Variants in CELF2 observed in about 807,000 individuals in gnomAD.
CELF2 encodes the protein CUG triplet repeat RNA-binding protein 2.
In CELF2, 8 loss-of-function variants were observed where a neutral mutation model predicts 62.6. The ratio of observed to expected loss-of-function variants is 0.13; its 90% CI spans 0.07 to 0.23. The LOEUF (loss-of-function observed/expected upper bound fraction) is 0.23, where lower values mean the gene tolerates loss of function less well. Ranked by LOEUF, CELF2 falls within the 10% of genes least tolerant of loss-of-function variation. The pLI is 1.00. For missense variants in CELF2, 333 were observed against 671.0 expected (o/e 0.50, Z 5.56); for synonymous variants, 258 against 250.0 (o/e 1.03, Z -0.30).
At chr10:11,317,356 C>A (rs2095091754) in intron 10 of CELF2, 1 of 152,180 alleles carries the variant, frequency 6.6e-6, no homozygotes. Flanking sequence ...CCCCACACAA[C>A]CTTTGTGCCC....
the CELF2 span, among the ~76,000 whole-genome samples, chr10:10,626,915 A>G: frequency 1.3e-5 from 2 of 152,228 alleles, no homozygotes; most frequent in Admixed American, 1.3e-4. Context: ...TGTTTCCAGC[A>G]TTCCTTAAAT....
chr10:10,751,078 T>A, the CELF2 span, among the ~76,000 whole-genome samples: 3 of 152,266 alleles, frequency 2.0e-5, no homozygotes, highest in Non-Finnish European at 4.4e-5. Flanking sequence ...TGCACTCTTT[T>A]TAGAATCCAG....
intron 8 of CELF2, among the ~76,000 whole-genome samples, chr10:11,281,470 A>T (rs2088723951): frequency 6.6e-6 from 1 of 152,212 alleles, no homozygotes; most frequent in African/African-American, 2.4e-5. Context: ...AATCACGTTA[A>T]GAAACTAGGC....
chr10:10,802,134 G>A (rs901729034), intron 1 of CELF2, among the ~76,000 whole-genome samples: 9 of 152,092 alleles, frequency 5.9e-5, no homozygotes, highest in African/African-American at 2.2e-4. Context: ...AGTATTCTTG[G>A]TACACAGAAG....
At chr10:10,669,450 G>A in the CELF2 span, among the ~76,000 whole-genome samples, 2 of 152,194 alleles carry the variant, frequency 1.3e-5, no homozygotes, top group Non-Finnish European at 1.5e-5. Context: ...AGAGCAGAAC[G>A]TCAGCTGCTT....
At chr10:10,754,061 G>GTTTTTT in the CELF2 span, among the ~76,000 whole-genome samples, 12 of 85,026 alleles carry the variant, frequency 1.4e-4, no homozygotes, top group East Asian at 4.9e-4. Flanking sequence ...TGCTGAGGTG[G>GTTTTTT]TTTTTTTTTT....
chr10:10,504,318 TGAA>T, the CELF2 span, among the ~76,000 whole-genome samples: 2 of 152,234 alleles, frequency 1.3e-5, no homozygotes, highest in East Asian at 3.9e-4. Context: ...CCTTCATTCT[TGAA>T]GAATATTTTC....
the CELF2 span, among the ~76,000 whole-genome samples, chr10:10,748,639 T>C: frequency 1.4e-5 from 2 of 146,128 alleles, no homozygotes; most frequent in African/African-American, 5.1e-5. Flanking sequence ...TCCCAGCTGC[T>C]CAGGAGGCTG....
intron 1 of CELF2, among the ~76,000 whole-genome samples, chr10:10,812,513 A>G (rs1004331337): frequency 6.6e-6 from 1 of 152,142 alleles, no homozygotes; most frequent in African/African-American, 2.4e-5. Flanking sequence ...CTTCATGTCT[A>G]TGTAAAAATA....
At chr10:10,769,768 A>AAATAAT in the CELF2 span, among the ~76,000 whole-genome samples, 6 of 151,794 alleles carry the variant, frequency 4.0e-5, no homozygotes, top group Non-Finnish European at 5.9e-5. Flanking sequence ...CAACTCCAAA[A>AAATAAT]AATAATAATA....
At chr10:10,930,830 T>A (rs112773719) in intron 2 of CELF2, among the ~76,000 whole-genome samples, 1,632 of 152,354 alleles carry the variant, frequency 0.011, 25 homozygotes, top group African/African-American at 0.037. Context: ...AATATTCTCA[T>A]CTTTACTTAA....
the CELF2 span, among the ~76,000 whole-genome samples, chr10:10,793,079 G>C: frequency 6.6e-6 from 1 of 152,084 alleles, no homozygotes; most frequent in Non-Finnish European, 1.5e-5. Flanking sequence ...TAATGCACTG[G>C]GTCTTTTGCA....
intron 1 of CELF2, among the ~76,000 whole-genome samples, chr10:11,081,881 C>G (rs1339631806): frequency 6.6e-6 from 1 of 152,166 alleles, no homozygotes; most frequent in Non-Finnish European, 1.5e-5. Context: ...TCTGATGTCC[C>G]CATTATATTG....
At chr10:10,932,178 C>G (rs1396880412) in intron 2 of CELF2, among the ~76,000 whole-genome samples, 1 of 152,100 alleles carries the variant, frequency 6.6e-6, no homozygotes, top group Non-Finnish European at 1.5e-5. Context: ...ACGATGATCC[C>G]TGCCCTTAAG....
rs1200643685 is a variant in CELF2 at position 11,132,091 on chromosome 10, T to C, written c.75-33395T>C. Among the ~76,000 whole-genome samples, 3 of 152,384 alleles carry C rather than the reference T, an allele frequency of 2.0e-5. No homozygotes were observed. In the East Asian group the frequency reaches 5.8e-4, roughly 29 times the overall value. ...TGCACATGTGTGCCCAATGTAAGTC[T>C]GTCCTCAAGTTATCCACTGGCATCA... On this transcript the variant is annotated intron_variant, in intron 1 of 12. Transcript: ENST00000633077.
the CELF2 span, among the ~76,000 whole-genome samples, chr10:10,628,361 G>C: frequency 3.9e-5 from 6 of 152,128 alleles, no homozygotes; most frequent in Non-Finnish European, 8.8e-5. Context: ...AAGGAAGGGA[G>C]AGAAAGAACT....
At chr10:11,304,841 T>C (rs1226772936) in intron 9 of CELF2, among the ~76,000 whole-genome samples, 1 of 152,172 alleles carries the variant, frequency 6.6e-6, no homozygotes, top group Non-Finnish European at 1.5e-5. Context: ...ACCTAACATA[T>C]TTACAGGTTC....
chr10:10,758,791 T>C, the CELF2 span, among the ~76,000 whole-genome samples: 1 of 152,248 alleles, frequency 6.6e-6, no homozygotes, highest in Non-Finnish European at 1.5e-5. Context: ...TAGTGTGCAA[T>C]GAAATAAGTC....
chr10:10,561,879 T>C, the CELF2 span, among the ~76,000 whole-genome samples: 1 of 152,186 alleles, frequency 6.6e-6, no homozygotes, highest in African/African-American at 2.4e-5. Context: ...AAGGTAAGCC[T>C]TTCTTTTTCC....
Sources: gnomAD v4.1 joint callset for allele counts (sites outside exome capture counted in the v4.1 genomes callset) on GRCh38, gnomAD v4.1.1 for gene constraint, MANE v1.5 for transcripts, NCBI Gene and HGNC (gene_info 2026-07-23, HGNC 2026-07-21) for gene names.